Variants in PMEPA1 observed in about 807,000 individuals in gnomAD.
PMEPA1 encodes protein TMEPAI.
PMEPA1 carries 11 observed loss-of-function variants against 23.0 expected under a neutral mutation model. The observed-to-expected ratio is 0.48, with a 90% CI of 0.30 to 0.79. The LOEUF (loss-of-function observed/expected upper bound fraction) is 0.79. PMEPA1 is among the 30% of genes least tolerant of loss of function. PMEPA1 has a pLI of 0.06. For missense variants in PMEPA1, 377 were observed against 390.9 expected, an observed-to-expected ratio of 0.96 and a Z score of 0.30; for synonymous variants, 204 against 166.4, an observed-to-expected ratio of 1.23 and a Z score of -1.74.
intron 1 of PMEPA1, among the ~76,000 whole-genome samples, chr20:57,703,939 A>C (rs2072044096): frequency 6.6e-6 from 1 of 152,100 alleles, no homozygotes; most frequent in African/African-American, 2.4e-5. Context: ...TTACAGACCC[A>C]TCAGATGACA....
At position 57,649,994 on chromosome 20, in the gene PMEPA1, T is replaced by G. The variant is rs2071201919; in HGVS notation, c.*2059A>C. The G allele has an allele frequency of 6.6e-6, 1 of 152,654 alleles. No individual in the cohort carries two copies. The highest frequency in any genetic ancestry group is 6.5e-5 in the Admixed American group (1 of 15,290). 9.5% of individuals were successfully genotyped at this position (152,654 alleles called of 1,614,324 possible). On this transcript the variant is annotated 3_prime_UTR_variant, in exon 4 of 4. Coordinates refer to ENST00000341744, the MANE Select transcript of PMEPA1 (RefSeq NM_020182.5). The stretch of plus-strand genomic sequence containing the variant: ...CCTGTACTGATTTCTCTGCAGGACC[T>G]TTTCAAAGAATCCTCTTCAAGAGAG...
intron 1 of PMEPA1, among the ~76,000 whole-genome samples, chr20:57,674,050 C>A (rs1302338631): frequency 6.6e-6 from 1 of 152,168 alleles, no homozygotes; most frequent in Non-Finnish European, 1.5e-5. Flanking sequence ...CCTCCCTTCC[C>A]AAACCCTCTG....
At chr20:57,699,705 G>A (rs915113798) in intron 1 of PMEPA1, among the ~76,000 whole-genome samples, 4 of 152,160 alleles carry the variant, frequency 2.6e-5, no homozygotes, top group African/African-American at 9.6e-5. Context: ...CAAAATTTCT[G>A]AAAAACCGAT....
At chr20:57,673,434 C>A (rs1468913505) in intron 1 of PMEPA1, among the ~76,000 whole-genome samples, 1 of 152,224 alleles carries the variant, frequency 6.6e-6, no homozygotes, top group Non-Finnish European at 1.5e-5. Context: ...CGGTCTATGT[C>A]TTGCTGCCAT....
rs2071728923 is a variant in PMEPA1, at chr20:57,682,277, T to C, written c.110-22580A>G. On this transcript the variant is annotated intron_variant, in intron 1 of 3. Transcript: ENST00000341744. The surrounding 1 kb of genome is among the most constrained non-coding windows in gnomAD (Gnocchi z 4.4). ...TCCCAGTGGGAATGAAGGCTTGAGCTGAGTGTGAATGGTGCTCAGAGCGGG... is the reference window on the plus strand; with the variant it reads ...TCCCAGTGGGAATGAAGGCTTGAGCCGAGTGTGAATGGTGCTCAGAGCGGG... Among the ~76,000 whole-genome samples the C allele has an allele frequency of 6.6e-6, 1 of 152,162 alleles. No homozygotes were observed. The highest frequency in any genetic ancestry group is 1.5e-5 in the Non-Finnish European group (1 of 68,030).
chr20:57,685,186 T>A (rs147141428), intron 1 of PMEPA1, among the ~76,000 whole-genome samples: 70 of 151,032 alleles, frequency 4.6e-4, no homozygotes, highest in African/African-American at 1.5e-3. Context: ...AGAAAAAAGC[T>A]GCAAGCCGCA....
intron 1 of PMEPA1, among the ~76,000 whole-genome samples, chr20:57,694,189 G>A (rs1256981336): frequency 1.3e-5 from 2 of 152,222 alleles, no homozygotes; most frequent in African/African-American, 4.8e-5. Flanking sequence ...TCCTACAGGA[G>A]GAGCTGCAGA....
chr20:57,700,975 A>G (rs2072003369), intron 1 of PMEPA1, among the ~76,000 whole-genome samples: 1 of 152,090 alleles, frequency 6.6e-6, no homozygotes, highest in Non-Finnish European at 1.5e-5. Context: ...GGTTGCAGTG[A>G]GCTGAGATCG....
At chr20:57,659,110 C>T (rs867074901) in intron 2 of PMEPA1, among the ~76,000 whole-genome samples, 15 of 152,324 alleles carry the variant, frequency 9.8e-5, no homozygotes, top group Middle Eastern at 3.4e-3. Context: ...GAGGGTTCCT[C>T]GCAGAGGCTC....
chr20:57,709,812 C>G lies in PMEPA1; in HGVS notation c.-230G>C, dbSNP rs371429327. On this transcript the variant is annotated 5_prime_UTR_variant, in exon 1 of 4. Transcript: ENST00000341744. ...GGCCTCCCCTCGGCAGCCCCGGGGG[C>G]GTCGGCAGTGCCCGCGGGTGGCGTC... The G allele has an allele frequency of 7.1e-5, 69 of 976,878 alleles. No individual in the cohort carries two copies. The highest frequency in any genetic ancestry group is 8.1e-5 in the Non-Finnish European group (67 of 825,976). The allele number at this position is 976,878 out of a possible 1,614,324, so 60.5% of individuals were successfully genotyped here. A position where few individuals can be genotyped will look rare whatever the true frequency, so the allele number is the denominator to read the frequency against.
At chr20:57,684,570 C>T (rs989048637) in intron 1 of PMEPA1, among the ~76,000 whole-genome samples, 3 of 152,124 alleles carry the variant, frequency 2.0e-5, no homozygotes, top group African/African-American at 4.8e-5. Context: ...TCCTGTTGGG[C>T]GGGTGATGGG....
At chr20:57,678,093 T>C (rs1412268041) in intron 1 of PMEPA1, among the ~76,000 whole-genome samples, 10 of 152,232 alleles carry the variant, frequency 6.6e-5, no homozygotes. Flanking sequence ...GTGATGGGAC[T>C]GTTGTGTCTT....
At chr20:57,681,096 C>T (rs1315609169) in intron 1 of PMEPA1, among the ~76,000 whole-genome samples, 1 of 152,218 alleles carries the variant, frequency 6.6e-6, no homozygotes, top group Non-Finnish European at 1.5e-5. Flanking sequence ...GCCTGGGAGT[C>T]CCCATTCATC....
intron 1 of PMEPA1, among the ~76,000 whole-genome samples, chr20:57,689,824 G>C (rs537859690): frequency 1.3e-5 from 2 of 152,258 alleles, no homozygotes; most frequent in East Asian, 3.9e-4. Context: ...TTTCAGACGT[G>C]TTTGACCACA....
chr20:57,670,374 C>T lies in PMEPA1; in HGVS notation c.110-10677G>A, dbSNP rs137931982. ...TGATGGTTCTGAGTGTGCTGTCTCA[C>T]CACCCGGCCTCAAGCCCCAGGATCC... On this transcript the variant is annotated intron_variant, in intron 1 of 3. Transcript: ENST00000341744. 5.9e-3 allele frequency among the ~76,000 whole-genome samples: 897 copies of T among 152,058 alleles called. 14 individuals are homozygous for T. The highest frequency in any genetic ancestry group is 0.02 in the African/African-American group (825 of 41,436).
rs1291579933 is a variant in PMEPA1, at chr20:57,682,916, T to G, written c.110-23219A>C. ...TTTTGCCTGACAAATGAGCAGCAGC[T>G]CGCCTCCTAAATAAGGCAGCACACC... On this transcript the variant is annotated intron_variant, in intron 1 of 3. Transcript: ENST00000341744. The surrounding 1 kb of genome is among the most constrained non-coding windows in gnomAD (Gnocchi z 4.4). 2.0e-5 allele frequency among the ~76,000 whole-genome samples: 3 copies of G among 152,242 alleles called. No individual in the cohort carries two copies. The highest frequency in any genetic ancestry group is 7.2e-5 in the African/African-American group (3 of 41,464).
chr20:57,680,919 G>C lies in PMEPA1; in HGVS notation c.110-21222C>G, dbSNP rs6025721. ...GGGAAAGTGGCGGAGAGCAGTCTGCGTGAGGACGTAAGCACAGGTCCTTCT... is the reference window on the plus strand; with the variant it reads ...GGGAAAGTGGCGGAGAGCAGTCTGCCTGAGGACGTAAGCACAGGTCCTTCT... On this transcript the variant is annotated intron_variant, in intron 1 of 3. Transcript: ENST00000341744. Among the ~76,000 whole-genome samples, 131 of 152,340 alleles carry C rather than the reference G, an allele frequency of 8.6e-4. 1 individual carries two copies. The highest frequency in any genetic ancestry group is 3.0e-3 in the African/African-American group (125 of 41,586).
chr20:57,653,318 T>TCCAG (rs1444489576), intron 2 of PMEPA1, among the ~76,000 whole-genome samples: 2 of 152,040 alleles, frequency 1.3e-5, no homozygotes, highest in Admixed American at 1.3e-4. Flanking sequence ...CCCCTGAAAA[T>TCCAG]CCAGCCTGAC....
chr20:57,657,198 G>C (rs909173860), intron 2 of PMEPA1, among the ~76,000 whole-genome samples: 2 of 152,100 alleles, frequency 1.3e-5, no homozygotes, highest in African/African-American at 4.8e-5. Flanking sequence ...CCATGACCAC[G>C]GGCCGCACAG....
Sources: allele counts gnomAD v4.1 joint callset (sites outside exome capture counted in the v4.1 genomes callset), GRCh38; gene constraint gnomAD v4.1.1; non-coding constraint Gnocchi (gnomAD v3.1); transcripts MANE v1.5; gene names NCBI Gene and HGNC (gene_info 2026-07-23, HGNC 2026-07-21).